CADM2: variants seen among roughly 807,000 people sequenced by gnomAD.
CADM2 encodes the protein cell adhesion molecule 2, also known as immunoglobulin superfamily member 4D.
A neutral mutation model predicts 49.8 loss-of-function variants in CADM2; 12 were observed. That is an observed-to-expected ratio of 0.24 (90% CI 0.15 to 0.39). CADM2 has a LOEUF of 0.39. Among genes scored for constraint, CADM2 ranks in the 10% least tolerant of loss-of-function variants. The probability of loss-of-function intolerance (pLI) is 1.00; values close to 1 mark genes in which losing one functional copy is unlikely to be tolerated. For synonymous variants in CADM2, 214 were observed against 175.4 expected, an observed-to-expected ratio of 1.22 and a Z score of -1.74; for missense variants, 378 against 492.3, an observed-to-expected ratio of 0.77 and a Z score of 2.20.
intron 1 of CADM2, among the ~76,000 whole-genome samples, chr3:85,129,480 T>C (rs2039154522): frequency 1.3e-5 from 2 of 152,224 alleles, no homozygotes; most frequent in South Asian, 4.1e-4. Flanking sequence ...TTTATAAAAA[T>C]ATTCTGAAAC....
chr3:85,093,743 C>T (rs988340594), intron 1 of CADM2, among the ~76,000 whole-genome samples: 2 of 152,024 alleles, frequency 1.3e-5, no homozygotes, highest in Non-Finnish European at 2.9e-5. Context: ...ACATTAAGTC[C>T]TACATCCACT....
intron 1 of CADM2, among the ~76,000 whole-genome samples, chr3:85,723,239 G>C (rs2067570202): frequency 6.6e-6 from 1 of 152,020 alleles, no homozygotes; most frequent in Non-Finnish European, 1.5e-5. Flanking sequence ...ACAATTTGCT[G>C]CTTTTATTAT....
intron 1 of CADM2, among the ~76,000 whole-genome samples, chr3:85,457,167 C>G (rs1476759165): frequency 6.6e-6 from 1 of 152,060 alleles, no homozygotes; most frequent in Admixed American, 6.5e-5. Context: ...AATCCCAGCA[C>G]TTTGGGAGGC....
At chr3:85,446,822 G>A (rs9758954) in intron 1 of CADM2, among the ~76,000 whole-genome samples, 4 of 149,168 alleles carry the variant, frequency 2.7e-5, no homozygotes, top group African/African-American at 7.3e-5. Flanking sequence ...CGCTGGTCTC[G>A]AACTCCTGAA....
intron 3 of CADM2, among the ~76,000 whole-genome samples, chr3:85,853,085 A>C (rs2075169181): frequency 6.6e-6 from 1 of 152,090 alleles, no homozygotes; most frequent in Admixed American, 6.6e-5. Context: ...TGGGACAGTG[A>C]TTTAAACAAT....
At chr3:85,641,768 T>C (rs28475482) in intron 1 of CADM2, among the ~76,000 whole-genome samples, 26,559 of 134,504 alleles carry the variant, frequency 0.2, 2,919 homozygotes, top group Non-Finnish European at 0.26. Flanking sequence ...TTACTAAAAA[T>C]ACAAAAAAAA....
chr3:85,367,965 T>TC (rs2032920149), intron 1 of CADM2, among the ~76,000 whole-genome samples: 2 of 152,052 alleles, frequency 1.3e-5, no homozygotes. Flanking sequence ...AGAATTGGAA[T>TC]AGTATATTCT....
chr3:86,065,376 C>G (rs1277406091), intron 8 of CADM2, among the ~76,000 whole-genome samples: 1 of 152,188 alleles, frequency 6.6e-6, no homozygotes, highest in African/African-American at 2.4e-5. Context: ...CTTATCCAAT[C>G]TTTTCCTTAA....
intron 1 of CADM2, among the ~76,000 whole-genome samples, chr3:85,185,262 C>T (rs2041030786): frequency 6.6e-6 from 1 of 151,262 alleles, no homozygotes; most frequent in Admixed American, 6.6e-5. Flanking sequence ...TATATTGATC[C>T]AAATAACGAA....
intron 1 of CADM2, among the ~76,000 whole-genome samples, chr3:85,160,164 C>A (rs2040273296): frequency 6.6e-6 from 1 of 152,010 alleles, no homozygotes. Context: ...AATTTCTATG[C>A]CTTTCTAAAT....
chr3:85,944,271 G>A (rs1417826298), intron 7 of CADM2, among the ~76,000 whole-genome samples: 1 of 152,028 alleles, frequency 6.6e-6, no homozygotes, highest in Non-Finnish European at 1.5e-5. Flanking sequence ...GATTCATAAA[G>A]CAAATCCTTA....
intron 1 of CADM2, among the ~76,000 whole-genome samples, chr3:85,035,668 T>C (rs1465168803): frequency 6.6e-6 from 1 of 152,170 alleles, no homozygotes; most frequent in Non-Finnish European, 1.5e-5. Context: ...GCACAATTTA[T>C]TGAAGAGACT....
chr3:85,585,478 G>A (rs992768199), intron 1 of CADM2, among the ~76,000 whole-genome samples: 2 of 151,702 alleles, frequency 1.3e-5, no homozygotes, highest in African/African-American at 2.4e-5. Flanking sequence ...ATGAAATTGT[G>A]AAGAAGTGAA....
chr3:85,779,228 G>A (rs937169629), intron 2 of CADM2, among the ~76,000 whole-genome samples: 6 of 151,636 alleles, frequency 4.0e-5, no homozygotes, highest in Admixed American at 3.9e-4. Flanking sequence ...AATGACTGTT[G>A]CAGTCAGTAG....
intron 5 of CADM2, among the ~76,000 whole-genome samples, chr3:85,908,977 G>T (rs750119475): frequency 1.3e-5 from 2 of 152,088 alleles, no homozygotes; most frequent in Non-Finnish European, 2.9e-5. Context: ...TCCCACCTCG[G>T]CCTCCCAAAG....
At chr3:85,406,324 A>G (rs1045807060) in intron 1 of CADM2, among the ~76,000 whole-genome samples, 2 of 152,138 alleles carry the variant, frequency 1.3e-5, no homozygotes, top group Non-Finnish European at 2.9e-5. Context: ...CACTGAGAAG[A>G]TACTATATTT....
chr3:85,074,193 A>C (rs1255640280), intron 1 of CADM2, among the ~76,000 whole-genome samples: 1 of 152,034 alleles, frequency 6.6e-6, no homozygotes, highest in African/African-American at 2.4e-5. Context: ...ACTCTGCCTT[A>C]AACCCTCCAC....
chr3:85,337,176 C>T (rs932762023), intron 1 of CADM2, among the ~76,000 whole-genome samples: 1 of 150,028 alleles, frequency 6.7e-6, no homozygotes, highest in African/African-American at 2.4e-5. Flanking sequence ...TCTCCCACAA[C>T]ACCTCTAAAA....
chr3:85,466,203 T>C (rs2038483625), intron 1 of CADM2, among the ~76,000 whole-genome samples: 1 of 152,158 alleles, frequency 6.6e-6, no homozygotes. Flanking sequence ...TAAAATCTCA[T>C]CTATTATTTA....
Sources: allele counts gnomAD v4.1 joint callset (sites outside exome capture counted in the v4.1 genomes callset), GRCh38; gene constraint gnomAD v4.1.1; transcripts MANE v1.5; gene names NCBI Gene and HGNC (gene_info 2026-07-23, HGNC 2026-07-21).